Variants in UGT2B11 observed in about 807,000 individuals in gnomAD.
UGT2B11 encodes UDP-glucuronosyltransferase 2B11.
A neutral mutation model predicts 51.7 loss-of-function variants in UGT2B11; 49 were observed. That is an observed-to-expected ratio of 0.95 (90% CI 0.75 to 1.20). The LOEUF (loss-of-function observed/expected upper bound fraction) is 1.20. Among genes scored for constraint, UGT2B11 ranks in the 50% most tolerant of loss-of-function variants. The probability of loss-of-function intolerance (pLI) is 0.00; values close to 1 mark genes in which losing one functional copy is unlikely to be tolerated. For synonymous variants in UGT2B11, 273 were observed against 209.0 expected (o/e 1.31, Z -2.64); for missense variants, 810 against 622.1 (o/e 1.30, Z -3.21).
chr4:69,206,954 G>T (rs552300505), intron 3 of UGT2B11, among the ~76,000 whole-genome samples: 1 of 151,654 alleles, frequency 6.6e-6, no homozygotes, highest in Non-Finnish European at 1.5e-5. Context: ...ATGCTGCCAA[G>T]ATTTTATGTA....
the UGT2B11 span, among the ~76,000 whole-genome samples, chr4:69,222,632 T>C: frequency 6.6e-6 from 1 of 152,214 alleles, no homozygotes; most frequent in Non-Finnish European, 1.5e-5. Flanking sequence ...TCTTTTTCAG[T>C]AGGACTTAAG....
In UGT2B11 at chr4:69,200,685, G is replaced by A. The variant is rs202195427; in HGVS notation, c.1345C>T (p.Gln449Ter). The A allele has an allele frequency of 7.1e-5, 115 of 1,611,430 alleles. No homozygotes were observed. Among genetic ancestry groups the A allele is most frequent in the Non-Finnish European group, 9.0e-5 (106 of 1,178,642 alleles). Residue 449 changes from glutamine to a stop codon, truncating the protein, a stop_gained, in exon 6 of 6, where the codon CAA becomes TAA. Transcript: ENST00000446444. LOFTEE classifies it high-confidence loss of function. The part of the protein sequence containing the change: ...KENIMKLSRI[Q>*]HDQPVKPLDR... ...AGGGGCTTTACTGGTTGATCATGTT[G>A]AATTCTTGATAATTTCATAATATTC...
chr4:69,202,586 A>C (rs1488428543), intron 5 of UGT2B11, among the ~76,000 whole-genome samples: 1 of 151,620 alleles, frequency 6.6e-6, no homozygotes, highest in Non-Finnish European at 1.5e-5. Flanking sequence ...CAATACATAC[A>C]TGTGTATTGT....
the UGT2B11 span, among the ~76,000 whole-genome samples, chr4:69,220,176 T>A: frequency 6.6e-6 from 1 of 152,160 alleles, no homozygotes; most frequent in Non-Finnish European, 1.5e-5. Flanking sequence ...GGGACAGTCA[T>A]TGCCAAAATG....
intron 2 of UGT2B11, among the ~76,000 whole-genome samples, chr4:69,210,811 T>C (rs1722032902): frequency 6.6e-6 from 1 of 151,670 alleles, no homozygotes; most frequent in African/African-American, 2.4e-5. Context: ...TTCAGTTTTA[T>C]GTAAGCAAAA....
chr4:69,200,720 C>A lies in UGT2B11; in HGVS notation c.1311-1G>T, dbSNP rs763799236. The A allele has an allele frequency of 3.1e-6, 5 of 1,605,752 alleles. No homozygotes were observed. The Admixed American group carries it at 8.5e-5, about 27-fold the overall frequency. ...TAATTTCATAATATTCTCTTTATATCTGAAGGATAAAAATAAGGATACCAA... is the reference window on the plus strand; with the variant it reads ...TAATTTCATAATATTCTCTTTATATATGAAGGATAAAAATAAGGATACCAA... On this transcript the variant is annotated splice_acceptor_variant, in intron 5 of 5. Transcript: ENST00000446444. LOFTEE classifies it high-confidence loss of function.
intron 3 of UGT2B11, among the ~76,000 whole-genome samples, chr4:69,207,972 C>T (rs1354759977): frequency 6.6e-6 from 1 of 151,566 alleles, no homozygotes; most frequent in Non-Finnish European, 1.5e-5. Context: ...ATTCTAAAGA[C>T]TACATTAGGC....
At position 69,214,385 on chromosome 4, in the gene UGT2B11, T is replaced by A; in HGVS notation, c.338A>T (p.Gln113Leu). 6.2e-7 allele frequency: 1 copy of A among 1,612,776 alleles called. No individual in the cohort carries two copies. Among genetic ancestry groups the A allele is most frequent in the Non-Finnish European group, 8.5e-7 (1 of 1,179,374 alleles). ...GTCATATAATTCCCACAGGATTTCT[T>A]GTTCTTGTGAAAAATATAACCAAAA... ...DSFWLYFSQE[Q>L]EILWELYDIF... The change falls in exon 1 of 6, where the codon CAA becomes CTA. Residue 113 changes from glutamine (Q) to leucine (L), a missense_variant. Gln to Leu is a moderately radical substitution (Grantham distance 113). Coordinates refer to ENST00000446444, the MANE Select transcript of UGT2B11 (RefSeq NM_001073.3).
At chr4:69,208,943 C>T (rs1721958406) in intron 2 of UGT2B11, among the ~76,000 whole-genome samples, 1 of 151,696 alleles carries the variant, frequency 6.6e-6, no homozygotes, top group African/African-American at 2.4e-5. Context: ...TAGTGGTCTA[C>T]TTCCCTAAAT....
intron 1 of UGT2B11, 79 bp from the exon 2 acceptor site, chr4:69,212,800 A>C: frequency 6.8e-7 from 1 of 1,478,192 alleles, no homozygotes; most frequent in Non-Finnish European, 8.9e-7. Flanking sequence ...GGTTAGAACA[A>C]TGTAAGCAAA....
upstream of UGT2B11, chr4:69,215,010 C>T (rs10007587): frequency 6.2e-3 from 2,045 of 331,908 alleles, 18 homozygotes; most frequent in South Asian, 0.014. Flanking sequence ...GTGTCAAGAA[C>T]AGTGGCAAGT....
chr4:69,205,642 A>G (rs531609160), intron 3 of UGT2B11, 75 bp from the exon 4 acceptor site: 5 of 1,501,822 alleles, frequency 3.3e-6, no homozygotes, highest in African/African-American at 2.8e-5. Flanking sequence ...TGTAGAAAGC[A>G]TAGGAATGAG....
At chr4:69,205,886 C>T (rs1362671040) in intron 3 of UGT2B11, among the ~76,000 whole-genome samples, 1 of 151,594 alleles carries the variant, frequency 6.6e-6, no homozygotes, top group Non-Finnish European at 1.5e-5. Context: ...AATAACATCA[C>T]AGATCATTAG....
intron 2 of UGT2B11, 23 bp downstream of exon 2, chr4:69,212,550 A>G (rs757589407): frequency 6.3e-7 from 1 of 1,596,144 alleles, no homozygotes; most frequent in East Asian, 2.3e-5. Flanking sequence ...CCAACAAAAT[A>G]AAACCAACAA....
At chr4:69,220,401 T>G in the UGT2B11 span, among the ~76,000 whole-genome samples, 1 of 152,070 alleles carries the variant, frequency 6.6e-6, no homozygotes, top group African/African-American at 2.4e-5. Context: ...GGTGGCCCAC[T>G]TCTCACGGCT....
chr4:69,201,578 C>T (rs759963523), intron 5 of UGT2B11, among the ~76,000 whole-genome samples: 12 of 151,722 alleles, frequency 7.9e-5, no homozygotes, highest in Admixed American at 2.0e-4. Flanking sequence ...CAAAGGTGTT[C>T]TCATCTTAGA....
intron 3 of UGT2B11, among the ~76,000 whole-genome samples, chr4:69,206,007 T>C (rs1471262804): frequency 2.0e-5 from 3 of 151,586 alleles, no homozygotes; most frequent in Admixed American, 1.3e-4. Context: ...AGAAAAGGAA[T>C]GCTTATACTC....
intron 1 of UGT2B11, among the ~76,000 whole-genome samples, chr4:69,213,270 G>C (rs1334178103): frequency 6.6e-6 from 1 of 151,658 alleles, no homozygotes; most frequent in African/African-American, 2.4e-5. Flanking sequence ...AAATATATTT[G>C]TAAATTATAG....
chr4:69,208,021 A>C (rs1288369735), intron 3 of UGT2B11, among the ~76,000 whole-genome samples: 2 of 151,684 alleles, frequency 1.3e-5, no homozygotes, highest in African/African-American at 2.4e-5. Context: ...AGTTAATTTC[A>C]GCAGTATGTA....
Sources: gnomAD v4.1 joint callset for allele counts (sites outside exome capture counted in the v4.1 genomes callset) on GRCh38, gnomAD v4.1.1 for gene constraint, MANE v1.5 for transcripts, NCBI Gene and HGNC (gene_info 2026-07-23, HGNC 2026-07-21) for gene names.